The following ARHGAP31 variants were observed in gnomAD, a reference collection of about 807,000 sequenced individuals.
ARHGAP31 encodes the protein Rho GTPase activating protein 31, also known as rho GTPase-activating protein 31.
Under a neutral mutation model 113.9 loss-of-function variants are expected in ARHGAP31, and 34 were observed. The ratio of observed to expected loss-of-function variants is 0.30; its 90% CI spans 0.23 to 0.40. The LOEUF (loss-of-function observed/expected upper bound fraction) is 0.40. Ranked by LOEUF, ARHGAP31 falls within the 10% of genes least tolerant of loss-of-function variation. The probability of loss-of-function intolerance (pLI) is 1.00; values close to 1 mark genes in which losing one functional copy is unlikely to be tolerated. For synonymous variants in ARHGAP31, 650 were observed against 684.8 expected (o/e 0.95, Z 0.79); for missense variants, 1,548 against 1,767.1 (o/e 0.88, Z 2.22).
At position 119,335,369 on chromosome 3, in the gene ARHGAP31, A is replaced by T. The variant is rs1436451267; in HGVS notation, c.101-29947A>T. ...TACATAAAGTCTTTTTAAAAATAGC[A>T]CTTATCACATTGTAGGAACTGACCA... On this transcript the variant is annotated intron_variant, in intron 1 of 11. Coordinates refer to ENST00000264245, the MANE Select transcript of ARHGAP31 (RefSeq NM_020754.4). 3.9e-5 allele frequency among the ~76,000 whole-genome samples: 6 copies of T among 152,308 alleles called. No homozygotes were observed. In the East Asian group the frequency reaches 9.6e-4, roughly 24 times the overall value.
chr3:119,413,942 G>A lies in ARHGAP31; in HGVS notation c.2013G>A (p.Ser671=), dbSNP rs367819044. 5 of 1,614,088 alleles carry A rather than the reference G, an allele frequency of 3.1e-6. No homozygotes were observed. In the African/African-American group the frequency reaches 5.3e-5, roughly 17 times the overall value. Residue 671 remains serine (S), a synonymous_variant, in exon 12 of 12, where the codon TCG becomes TCA. Coordinates refer to ENST00000264245, the MANE Select transcript of ARHGAP31 (RefSeq NM_020754.4). ...KIIESEEELS[S]LPPPALKTSP... The stretch of plus-strand genomic sequence containing the variant: ...TTGAATCTGAGGAGGAGCTCTCATC[G>A]TTGCCACCTCCTGCTCTGAAGACCA...
Position 119,367,727 on chromosome 3 carries a change from G to A in ARHGAP31, c.204-645G>A, listed in dbSNP as rs185587083. 9.2e-5 allele frequency among the ~76,000 whole-genome samples: 14 copies of A among 152,038 alleles called. No homozygotes were observed. The South Asian group carries it at 2.1e-3, about 23-fold the overall frequency. Reference sequence around the variant, plus strand: ...CAAAAAATTAGCCGGGTATGGTGGCGGGCGCCTGTAGTCCCAGCTACTCAG... The same window carrying A: ...CAAAAAATTAGCCGGGTATGGTGGCAGGCGCCTGTAGTCCCAGCTACTCAG... On this transcript the variant is annotated intron_variant, in intron 2 of 11. Coordinates refer to ENST00000264245, the MANE Select transcript of ARHGAP31 (RefSeq NM_020754.4).
At position 119,297,909 on chromosome 3, in the gene ARHGAP31, AACACACAC is replaced by A. The variant is rs10575145; in HGVS notation, c.100+2934_100+2941del. On this transcript the variant is annotated intron_variant, in intron 1 of 11. Transcript: ENST00000264245. ...GAGAAACAGAAACCCTTTCCTTAGA[AACACACAC>A]ACACACACACACACACACACACACA... 1.6e-3 allele frequency among the ~76,000 whole-genome samples: 222 copies of A among 142,772 alleles called. 1 individual carries two copies. The highest frequency in any genetic ancestry group is 4.7e-3 in the African/African-American group (182 of 38,356). The allele number at this position is 142,772 out of a possible 152,430, so 93.7% of individuals were successfully genotyped here.
At chr3:119,317,812 G>A (rs1436008904) in intron 1 of ARHGAP31, among the ~76,000 whole-genome samples, 2 of 152,108 alleles carry the variant, frequency 1.3e-5, no homozygotes, top group Admixed American at 1.3e-4. Flanking sequence ...ACTGTGACAT[G>A]GGGTAAGATT....
intron 6 of ARHGAP31, among the ~76,000 whole-genome samples, chr3:119,386,107 T>G (rs2080446048): frequency 6.6e-6 from 1 of 152,228 alleles, no homozygotes; most frequent in South Asian, 2.1e-4. Flanking sequence ...CATTTAAAGG[T>G]TCTTATTATA....
intron 1 of ARHGAP31, 142 bp downstream of exon 1, chr3:119,295,146 T>C (rs1313861016): frequency 8.9e-6 from 7 of 784,460 alleles, no homozygotes; most frequent in South Asian, 1.6e-5. Context: ...TTTTCTTTTT[T>C]TTTTTTAAAG....
At chr3:119,340,724 C>T (rs1480780045) in intron 1 of ARHGAP31, among the ~76,000 whole-genome samples, 1 of 152,196 alleles carries the variant, frequency 6.6e-6, no homozygotes, top group Non-Finnish European at 1.5e-5. Flanking sequence ...CGTTTCCATA[C>T]ACAAGCCAAG....
intron 6 of ARHGAP31, 128 bp downstream of exon 6, chr3:119,383,354 A>G: frequency 8.3e-7 from 1 of 1,199,302 alleles, no homozygotes; most frequent in Non-Finnish European, 1.2e-6. Context: ...TATGCTGACT[A>G]CTGTGTGTCA....
intron 3 of ARHGAP31, among the ~76,000 whole-genome samples, chr3:119,376,319 T>C (rs979993156): frequency 2.0e-5 from 3 of 152,030 alleles, no homozygotes; most frequent in Non-Finnish European, 2.9e-5. Context: ...TGAAACCCCG[T>C]CTCTACTAAA....
intron 1 of ARHGAP31, among the ~76,000 whole-genome samples, chr3:119,306,898 C>A (rs2079635724): frequency 1.3e-5 from 2 of 152,152 alleles, no homozygotes; most frequent in Non-Finnish European, 2.9e-5. Flanking sequence ...AACATTTCAA[C>A]ACTGAAGATA....
chr3:119,409,643 A>T lies in ARHGAP31; in HGVS notation c.1793A>T (p.His598Leu). Residue 598 changes from histidine (H) to leucine (L), a missense_variant, in exon 11 of 12, where the codon CAT becomes CTT. His to Leu is a moderately conservative substitution (Grantham distance 99). Transcript: ENST00000264245. ...CCAGAAAGCTCCTTGAGCTCTCAAC[A>T]TTTAAATGAATTAGAGAAGAGGCCA... is the stretch of plus-strand genomic sequence containing the variant. ...KTPESSLSSQHLNELEKRPNP... is the reference protein window; with the variant it reads ...KTPESSLSSQLLNELEKRPNP... 6.2e-7 allele frequency: 1 copy of T among 1,613,228 alleles called. No homozygotes were observed. Among genetic ancestry groups the T allele is most frequent in the Non-Finnish European group, 8.5e-7 (1 of 1,179,566 alleles).
Position 119,415,327 on chromosome 3 carries a change from A to C in ARHGAP31, c.3398A>C (p.Gln1133Pro). 6.8e-6 allele frequency: 11 copies of C among 1,614,130 alleles called. No individual in the cohort carries two copies. The highest frequency in any genetic ancestry group is 9.3e-6 in the Non-Finnish European group (11 of 1,180,008). The change falls in exon 12 of 12, where the codon CAG (glutamine) becomes CCG (proline). Residue 1133 changes from glutamine (Q) to proline (P), a missense_variant. Physicochemically the swap from Gln to Pro is moderately conservative, Grantham distance 76. Coordinates refer to ENST00000264245, the MANE Select transcript of ARHGAP31 (RefSeq NM_020754.4). ...NVASFSSPGM[Q>P]VSEPGDPKVT... ...GCCTCATTTAGTTCACCTGGAATGCAGGTCTCTGAGCCAGGAGACCCAAAG... is the reference window on the plus strand; with the variant it reads ...GCCTCATTTAGTTCACCTGGAATGCCGGTCTCTGAGCCAGGAGACCCAAAG...
chr3:119,376,817 A>G (rs1176324025), intron 3 of ARHGAP31, among the ~76,000 whole-genome samples: 1 of 151,944 alleles, frequency 6.6e-6, no homozygotes, highest in East Asian at 1.9e-4. Flanking sequence ...GCAACAGGCA[A>G]AGTCAGGCTG....
At chr3:119,331,735 A>G (rs554522116) in intron 1 of ARHGAP31, among the ~76,000 whole-genome samples, 20 of 152,374 alleles carry the variant, frequency 1.3e-4, no homozygotes, top group Admixed American at 1.3e-3. Context: ...ATGATTTAAC[A>G]AGGACAAAAC....
chr3:119,364,484 G>T (rs577588136), intron 1 of ARHGAP31, among the ~76,000 whole-genome samples: 2 of 152,162 alleles, frequency 1.3e-5, no homozygotes, highest in Non-Finnish European at 2.9e-5. Flanking sequence ...AGTGACTTAA[G>T]TAAATTTGCC....
intron 8 of ARHGAP31, among the ~76,000 whole-genome samples, chr3:119,395,857 A>T (rs1271049887): frequency 2.6e-5 from 4 of 152,194 alleles, no homozygotes; most frequent in Admixed American, 6.5e-5. Context: ...CACAAAATGG[A>T]AAGATAGCCT....
At chr3:119,297,559 A>C (rs562052215) in intron 1 of ARHGAP31, among the ~76,000 whole-genome samples, 1 of 152,342 alleles carries the variant, frequency 6.6e-6, no homozygotes, top group South Asian at 2.1e-4. Context: ...AGAAGACCAA[A>C]GATTTAGGGA....
intron 1 of ARHGAP31, among the ~76,000 whole-genome samples, chr3:119,319,958 G>C (rs1426028104): frequency 6.6e-6 from 1 of 152,216 alleles, no homozygotes; most frequent in South Asian, 2.1e-4. Context: ...AGAATCAAGG[G>C]AGGGGAACTG....
intron 1 of ARHGAP31, among the ~76,000 whole-genome samples, chr3:119,303,323 G>A (rs1488776481): frequency 6.6e-6 from 1 of 152,174 alleles, no homozygotes; most frequent in African/African-American, 2.4e-5. Flanking sequence ...TCCCCACAGG[G>A]GTTCATAGCT....
Sources: allele counts gnomAD v4.1 joint callset (sites outside exome capture counted in the v4.1 genomes callset), GRCh38; gene constraint gnomAD v4.1.1; transcripts MANE v1.5; gene names NCBI Gene and HGNC (gene_info 2026-07-23, HGNC 2026-07-21).